Variants in DNAH10 observed in about 807,000 individuals in gnomAD.
DNAH10 encodes the protein dynein axonemal heavy chain 10.
A neutral mutation model predicts 506.6 loss-of-function variants in DNAH10; 348 were observed. The observed-to-expected ratio is 0.69, with a 90% confidence interval of 0.63 to 0.75. DNAH10 has a LOEUF of 0.75. Ranked by LOEUF, DNAH10 falls within the 30% of genes least tolerant of loss-of-function variation. The pLI, the probability that DNAH10 is intolerant of heterozygous loss-of-function variation, is 0.00. For missense variants in DNAH10, 5,179 were observed against 5,787.1 expected (o/e 0.89, Z 3.41); for synonymous variants, 2,059 against 2,198.6 (o/e 0.94, Z 1.78).
Position 123,851,909 on chromosome 12 carries a change from G to C in DNAH10, c.6291+833G>C, listed in dbSNP as rs548942919. Among the ~76,000 whole-genome samples, 3 of 152,278 alleles carry C rather than the reference G, an allele frequency of 2.0e-5. No individual in the cohort carries two copies. In the South Asian group the frequency reaches 6.2e-4, roughly 32 times the overall value. ...CTGCCTCAGCCTCCTGAGTATTTGG[G>C]ACCACAGGCAGATGCCATCACACCT... On this transcript the variant is annotated intron_variant, in intron 35 of 78. Coordinates refer to ENST00000673944, the MANE Select transcript of DNAH10 (RefSeq NM_001372106.1).
Position 123,879,336 on chromosome 12 carries a change from C to A in DNAH10, c.8445C>A (p.Ile2815=), listed in dbSNP as rs1193854412. ...ECLRVFHDRL[I]SETDKQLVQQ... ...TGAGAGTCTTCCACGACCGGCTGAT[C>A]AGTGAAACAGACAAGCAGCTGGTCA... The change falls in exon 49 of 79, where the codon ATC becomes ATA. Residue 2815 remains isoleucine, a synonymous_variant. Coordinates refer to ENST00000673944, the MANE Select transcript of DNAH10 (RefSeq NM_001372106.1). 6.4e-7 allele frequency: 1 copy of A among 1,570,610 alleles called. No homozygotes were observed.
chr12:123,778,513 G>A (rs905642393), intron 5 of DNAH10, among the ~76,000 whole-genome samples: 8 of 152,008 alleles, frequency 5.3e-5, no homozygotes, highest in East Asian at 1.9e-4. Context: ...TGATCAATAT[G>A]GCGAAACCTC....
At chr12:123,814,579 C>T (rs1350545753) in intron 21 of DNAH10, among the ~76,000 whole-genome samples, 1 of 145,878 alleles carries the variant, frequency 6.9e-6, no homozygotes, top group Non-Finnish European at 1.5e-5. Flanking sequence ...TTTCTCTTCT[C>T]TAGTTTGTAT....
At chr12:123,772,797 T>C (rs369893470) in intron 3 of DNAH10, 37 bp from the exon 4 acceptor site, 29 of 1,483,984 alleles carry the variant, frequency 2.0e-5, no homozygotes, top group Non-Finnish European at 2.6e-5. Flanking sequence ...AATGGATGTA[T>C]CACAAGAATG....
chr12:123,823,960 A>G (rs763861827), intron 24 of DNAH10, among the ~76,000 whole-genome samples: 3 of 152,148 alleles, frequency 2.0e-5, no homozygotes, highest in African/African-American at 4.8e-5. Flanking sequence ...GGGACATTTC[A>G]TCACCTAGAG....
intron 51 of DNAH10, 92 bp from the exon 52 acceptor site, chr12:123,887,050 T>C: frequency 6.9e-7 from 1 of 1,457,808 alleles, no homozygotes; most frequent in South Asian, 1.4e-5. Context: ...ACCCACGCCC[T>C]CTGCACTCTC....
At position 123,909,714 on chromosome 12, in the gene DNAH10, A is replaced by G. The variant is rs1404410243; in HGVS notation, c.9997+272A>G. Among the ~76,000 whole-genome samples, 1 of 152,238 alleles carries G rather than the reference A, an allele frequency of 6.6e-6. No individual in the cohort carries two copies. The highest frequency in any genetic ancestry group is 2.4e-5 in the African/African-American group (1 of 41,460). On this transcript the variant is annotated intron_variant, in intron 58 of 78. Transcript: ENST00000673944. This position sits in a 1 kb window ranked among gnomAD's most constrained non-coding sequence, Gnocchi z 5.4. ...GTCCTAGCTCTCCGTGTCAGGAAACAGGATCTTCTCATTGGAACCTAGCCC... is the reference window on the plus strand; with the variant it reads ...GTCCTAGCTCTCCGTGTCAGGAAACGGGATCTTCTCATTGGAACCTAGCCC...
chr12:123,913,219 T>C lies in DNAH10; in HGVS notation c.10256T>C (p.Leu3419Pro), dbSNP rs1954310728. 6.2e-7 allele frequency: 1 copy of C among 1,610,230 alleles called. No individual in the cohort carries two copies. The highest frequency in any genetic ancestry group is 2.2e-5 in the East Asian group (1 of 44,788). The change falls in exon 60 of 79, where the codon CTG (leucine) becomes CCG (proline). Residue 3419 changes from leucine to proline, a missense_variant. Coordinates refer to ENST00000673944, the MANE Select transcript of DNAH10 (RefSeq NM_001372106.1). The surrounding 1 kb of genome is among the most constrained non-coding windows in gnomAD (Gnocchi z 5.1). The stretch of plus-strand genomic sequence containing the variant: ...GGTGCCAAATATGAGGCCGCCATAC[T>C]GGAAAAGCAGAAGCTGCAGGAAGAA... Reference protein sequence around the residue: ...TLGAKYEAAILEKQKLQEEAE... With the variant: ...TLGAKYEAAIPEKQKLQEEAE...
At chr12:123,772,076 C>T (rs1159420889) in intron 3 of DNAH10, among the ~76,000 whole-genome samples, 3 of 152,112 alleles carry the variant, frequency 2.0e-5, no homozygotes, top group Non-Finnish European at 4.4e-5. Context: ...GAAGTATTGC[C>T]AACCAGAGAG....
In DNAH10 at chr12:123,805,854, G is replaced by A. The variant is rs545201554; in HGVS notation, c.2987+814G>A. On this transcript the variant is annotated intron_variant, in intron 18 of 78. Transcript: ENST00000673944. The stretch of plus-strand genomic sequence containing the variant: ...TGCAGTGGCATGATCTCGGCTCACT[G>A]CAAGCTCCGCCTCCCGGGTTCATGC... Among the ~76,000 whole-genome samples, 21 of 148,640 alleles carry A rather than the reference G, an allele frequency of 1.4e-4. No individual in the cohort carries two copies. In the East Asian group the frequency reaches 3.8e-3, roughly 27 times the overall value.
intron 39 of DNAH10, among the ~76,000 whole-genome samples, chr12:123,864,224 C>T (rs1951716550): frequency 6.9e-6 from 1 of 144,456 alleles, no homozygotes; most frequent in Non-Finnish European, 1.5e-5. Flanking sequence ...TGGCTCACTG[C>T]AACCTGTGCC....
Position 123,845,994 on chromosome 12 carries a change from A to C in DNAH10, c.5654A>C (p.Asp1885Ala). ...RGSILEAREF[D>A]WESQLRFYWD... ...AGTATCCTGGAGGCCCGAGAGTTTG[A>C]CTGGGAAAGTCAGTTGCGGTTTTAT... Residue 1885 changes from aspartate to alanine, a missense_variant, in exon 32 of 79, where the codon GAC (aspartate) becomes GCC (alanine). Physicochemically the swap from Asp to Ala is moderately radical, Grantham distance 126. This residue lies in a region of DNAH10 where 4,844 missense variants were observed against 5,430.5 expected (regional missense o/e 0.89). Coordinates refer to ENST00000673944, the MANE Select transcript of DNAH10 (RefSeq NM_001372106.1). 1 of 1,613,876 alleles carries C rather than the reference A, an allele frequency of 6.2e-7. No individual in the cohort carries two copies. Among genetic ancestry groups the C allele is most frequent in the Non-Finnish European group, 8.5e-7 (1 of 1,179,856 alleles).
chr12:123,772,938 C>T lies in DNAH10; in HGVS notation c.501C>T (p.Thr167=). ...DQNVVFFLRN[T]KEAISEATDM... Reference sequence around the variant, plus strand: ...ACGTGGTGTTTTTCCTCAGAAATACCAAAGGTACATTTCTGGCACGTGTGT... The same window carrying T: ...ACGTGGTGTTTTTCCTCAGAAATACTAAAGGTACATTTCTGGCACGTGTGT... The change falls in exon 4 of 79, where the codon ACC becomes ACT. Residue 167 remains threonine (T), a synonymous_variant. Coordinates refer to ENST00000673944, the MANE Select transcript of DNAH10 (RefSeq NM_001372106.1). 6.2e-7 allele frequency: 1 copy of T among 1,606,784 alleles called. No homozygotes were observed. Among genetic ancestry groups the T allele is most frequent in the South Asian group, 1.1e-5 (1 of 90,670 alleles).
At chr12:123,894,622 T>C (rs1324885783) in intron 53 of DNAH10, 21 bp from the exon 54 acceptor site, 4 of 1,610,746 alleles carry the variant, frequency 2.5e-6, no homozygotes, top group Non-Finnish European at 1.7e-6. Flanking sequence ...AGCATCTTTT[T>C]AATCTCTCTT....
Position 123,913,314 on chromosome 12 carries a change from A to C in DNAH10, c.10351A>C (p.Arg3451=). ...CTCGGGTCTGGGGTCAGAAAACATCAGGTTAGCGCTGCTCACGAGCCCACC... is the reference window on the plus strand; with the variant it reads ...CTCGGGTCTGGGGTCAGAAAACATCCGGTTAGCGCTGCTCACGAGCCCACC... ...LISGLGSENI[R]WLNDLDELMH... Residue 3451 remains arginine (R), a splice_region_variant and synonymous_variant, in exon 60 of 79, where the codon AGG becomes CGG. Coordinates refer to ENST00000673944, the MANE Select transcript of DNAH10 (RefSeq NM_001372106.1). The surrounding 1 kb of genome is among the most constrained non-coding windows in gnomAD (Gnocchi z 5.1). The C allele has an allele frequency of 6.3e-7, 1 of 1,587,088 alleles. No individual in the cohort carries two copies. Among genetic ancestry groups the C allele is most frequent in the South Asian group, 1.1e-5 (1 of 87,520 alleles).
intron 32 of DNAH10, 63 bp from the exon 33 acceptor site, chr12:123,847,898 G>T: frequency 6.5e-7 from 1 of 1,540,022 alleles, no homozygotes; most frequent in South Asian, 1.2e-5. Flanking sequence ...GATGAATTTG[G>T]AAATGACACC....
chr12:123,762,663 T>G lies in DNAH10; in HGVS notation c.214+113T>G. ...CCCATCGTCCGGCCCCGGCCTCAGG[T>G]GCTGTCCACAAACGCTGCCGCCCGC... On this transcript the variant is annotated intron_variant, in intron 1 of 78. Coordinates refer to ENST00000673944, the MANE Select transcript of DNAH10 (RefSeq NM_001372106.1). This position sits in a 1 kb window ranked among gnomAD's most constrained non-coding sequence, Gnocchi z 5.0. 8.5e-7 allele frequency: 1 copy of G among 1,171,614 alleles called. No individual in the cohort carries two copies. The highest frequency in any genetic ancestry group is 1.2e-6 in the Non-Finnish European group (1 of 864,958). The allele number at this position is 1,171,614 out of a possible 1,614,324, so 72.6% of individuals were successfully genotyped here. A position where few individuals can be genotyped will look rare whatever the true frequency, so the allele number is the denominator to read the frequency against.
At position 123,850,291 on chromosome 12, in the gene DNAH10, A is replaced by G. The variant is rs574445382; in HGVS notation, c.6103-597A>G. 8.5e-5 allele frequency among the ~76,000 whole-genome samples: 13 copies of G among 152,088 alleles called. No homozygotes were observed. In the South Asian group the frequency reaches 2.7e-3, roughly 32 times the overall value. On this transcript the variant is annotated intron_variant, in intron 34 of 78. Transcript: ENST00000673944. The surrounding 1 kb of genome is among the most constrained non-coding windows in gnomAD (Gnocchi z 5.5). The stretch of plus-strand genomic sequence containing the variant: ...ACCTTCAGCTAAAAAGGCTAAGAAT[A>G]TAGGGATTTCCGTGGTTTGTTGGTA...
At chr12:123,898,622 G>A in intron 55 of DNAH10, 31 bp from the exon 56 acceptor site, 2 of 1,476,724 alleles carry the variant, frequency 1.4e-6, no homozygotes, top group South Asian at 1.3e-5. Context: ...TGGCCACCTC[G>A]ACGATGAACA....
Sources: gnomAD v4.1 joint callset for allele counts (sites outside exome capture counted in the v4.1 genomes callset) on GRCh38, gnomAD v4.1.1 for gene constraint, gnomAD v4.1.1 regional missense constraint, Gnocchi (gnomAD v3.1) non-coding constraint, MANE v1.5 for transcripts, NCBI Gene and HGNC (gene_info 2026-07-23, HGNC 2026-07-21) for gene names.